The following FGFR2 variants were observed in gnomAD, a reference collection of about 807,000 sequenced individuals.
FGFR2 encodes BEK fibroblast growth factor receptor.
Under a neutral mutation model 95.9 loss-of-function variants are expected in FGFR2, and 19 were observed. The ratio of observed to expected loss-of-function variants is 0.20; its 90% CI spans 0.14 to 0.29. The LOEUF (loss-of-function observed/expected upper bound fraction) is 0.29, where lower values mean the gene tolerates loss of function less well. Ranked by LOEUF, FGFR2 falls within the 10% of genes least tolerant of loss-of-function variation. The probability of loss-of-function intolerance (pLI) is 1.00; values close to 1 mark genes in which losing one functional copy is unlikely to be tolerated. For synonymous variants in FGFR2, 392 were observed against 393.3 expected (o/e 1.00, Z 0.04); for missense variants, 707 against 1,056.9 (o/e 0.67, Z 4.59).
intron 6 of FGFR2, among the ~76,000 whole-genome samples, chr10:121,528,950 G>A (rs1190892510): frequency 3.9e-5 from 6 of 152,044 alleles, no homozygotes; most frequent in Admixed American, 3.9e-4. Flanking sequence ...ATTTTGAGAT[G>A]GAGTCTCGCT....
At chr10:121,520,465 A>T (rs1018104856) in intron 6 of FGFR2, among the ~76,000 whole-genome samples, 1 of 152,170 alleles carries the variant, frequency 6.6e-6, no homozygotes, top group Non-Finnish European at 1.5e-5. Context: ...AAGAAATTCT[A>T]CTCTGACAAT....
chr10:121,547,281 C>A (rs1176915584), intron 5 of FGFR2, among the ~76,000 whole-genome samples: 1 of 152,104 alleles, frequency 6.6e-6, no homozygotes, highest in Non-Finnish European at 1.5e-5. Context: ...AGGAATGAAT[C>A]AGTTAGATGT....
At chr10:121,589,868 C>G (rs1306368444) in intron 2 of FGFR2, among the ~76,000 whole-genome samples, 1 of 152,202 alleles carries the variant, frequency 6.6e-6, no homozygotes, top group Non-Finnish European at 1.5e-5. Flanking sequence ...AACAAAGATG[C>G]AGATAATACG....
chr10:121,534,633 T>G (rs987851079), intron 6 of FGFR2, among the ~76,000 whole-genome samples: 1 of 151,964 alleles, frequency 6.6e-6, no homozygotes, highest in Non-Finnish European at 1.5e-5. Context: ...TGACCTTAGG[T>G]GATCTGCCCG....
chr10:121,560,749 T>A (rs536016021), intron 4 of FGFR2, among the ~76,000 whole-genome samples: 1 of 152,124 alleles, frequency 6.6e-6, no homozygotes, highest in East Asian at 1.9e-4. Flanking sequence ...ACTCACCTTA[T>A]TATCCACTGT....
chr10:121,571,141 A>G (rs1858616977), intron 2 of FGFR2, among the ~76,000 whole-genome samples: 1 of 147,734 alleles, frequency 6.8e-6, no homozygotes, highest in Admixed American at 6.8e-5. Context: ...GGAGCCTGCC[A>G]CCACACCTGG....
intron 13 of FGFR2, among the ~76,000 whole-genome samples, chr10:121,492,362 T>C (rs556013811): frequency 6.6e-6 from 1 of 152,206 alleles, no homozygotes; most frequent in Admixed American, 6.5e-5. Flanking sequence ...GTTTTTTCAC[T>C]TCTCTGTCTC....
At chr10:121,523,364 T>G (rs1183504817) in intron 6 of FGFR2, among the ~76,000 whole-genome samples, 1 of 152,122 alleles carries the variant, frequency 6.6e-6, no homozygotes, top group African/African-American at 2.4e-5. Context: ...CCAGCAAGCC[T>G]CCTGGTCAGG....
At chr10:121,597,623 G>A (rs940009370) in intron 1 of FGFR2, among the ~76,000 whole-genome samples, 7 of 152,248 alleles carry the variant, frequency 4.6e-5, no homozygotes, top group African/African-American at 1.7e-4. Context: ...ACGGGCAGGC[G>A]AACCTTCCGC....
At position 121,478,424 on chromosome 10, in the gene FGFR2, T is replaced by C. The variant is rs1844281342; in HGVS notation, c.*1433A>G. On this transcript the variant is annotated 3_prime_UTR_variant, in exon 18 of 18. Transcript: ENST00000358487. Reference sequence around the variant, plus strand: ...TTGTCAGTATAAAAATTAACAGGTTTTATTAAATACTTTCTCCAATTTTGT... The same window carrying C: ...TTGTCAGTATAAAAATTAACAGGTTCTATTAAATACTTTCTCCAATTTTGT... The C allele has an allele frequency of 8.6e-6, 2 of 233,522 alleles. No homozygotes were observed. The highest frequency in any genetic ancestry group is 8.5e-6 in the Non-Finnish European group (1 of 117,948). The allele number at this position is 233,522 out of a possible 1,614,324, so 14.5% of individuals were successfully genotyped here. A position where few individuals can be genotyped will look rare whatever the true frequency, so the allele number is the denominator to read the frequency against.
chr10:121,505,536 C>T (rs570268732), intron 9 of FGFR2, among the ~76,000 whole-genome samples: 2 of 152,188 alleles, frequency 1.3e-5, no homozygotes, highest in South Asian at 4.2e-4. Context: ...ATCCTCACAC[C>T]CAAGTGTCTG....
At chr10:121,537,305 T>C (rs2134576436) in intron 6 of FGFR2, among the ~76,000 whole-genome samples, 1 of 152,344 alleles carries the variant, frequency 6.6e-6, no homozygotes, top group African/African-American at 2.4e-5. Flanking sequence ...ATGGAAGTAA[T>C]GGTTATATCA....
chr10:121,538,848 T>C, intron 5 of FGFR2, 133 bp from the exon 6 acceptor site: 1 of 1,117,386 alleles, frequency 8.9e-7, no homozygotes, highest in Non-Finnish European at 1.3e-6. Flanking sequence ...TCTAAATTGA[T>C]AACTGTCATT....
chr10:121,539,503 TC>T (rs1853373004), intron 5 of FGFR2, among the ~76,000 whole-genome samples: 1 of 152,170 alleles, frequency 6.6e-6, no homozygotes, highest in African/African-American at 2.4e-5. Flanking sequence ...TCTTATGTTC[TC>T]CCCCTGCTTT....
chr10:121,500,090 A>G (rs764636122), intron 11 of FGFR2, among the ~76,000 whole-genome samples: 29 of 152,242 alleles, frequency 1.9e-4, no homozygotes, highest in Non-Finnish European at 4.3e-4. Flanking sequence ...TCCCTACAAG[A>G]GGATTTATAA....
intron 16 of FGFR2, 135 bp from the exon 17 acceptor site, chr10:121,483,938 G>A (rs1481869997): frequency 1.4e-6 from 1 of 690,064 alleles, no homozygotes; most frequent in East Asian, 2.7e-5. Context: ...CTAGATTAGG[G>A]GGTCATGAAT....
chr10:121,512,383 T>C (rs188253168), intron 9 of FGFR2, among the ~76,000 whole-genome samples: 1 of 152,212 alleles, frequency 6.6e-6, no homozygotes, highest in Non-Finnish European at 1.5e-5. Flanking sequence ...CTTGGACATG[T>C]AGAAGGAGCT....
At chr10:121,505,596 A>G (rs1211248322) in intron 9 of FGFR2, among the ~76,000 whole-genome samples, 1 of 152,186 alleles carries the variant, frequency 6.6e-6, no homozygotes, top group East Asian at 1.9e-4. Flanking sequence ...GAGAAGGTAA[A>G]TGTGGGTGCT....
chr10:121,483,077 G>A (rs901436744), intron 17 of FGFR2, among the ~76,000 whole-genome samples: 11 of 152,150 alleles, frequency 7.2e-5, no homozygotes, highest in Non-Finnish European at 1.2e-4. Context: ...GATTACAGGC[G>A]AGAGCATAAA....
Sources: gnomAD v4.1 joint callset for allele counts (sites outside exome capture counted in the v4.1 genomes callset) on GRCh38, gnomAD v4.1.1 for gene constraint, MANE v1.5 for transcripts, NCBI Gene and HGNC (gene_info 2026-07-23, HGNC 2026-07-21) for gene names.